GOLGB1: variants seen among roughly 807,000 people sequenced by gnomAD.
The protein encoded by GOLGB1 is golgin subfamily B member 1.
GOLGB1 carries 174 observed loss-of-function variants against 336.9 expected under a neutral mutation model. The observed-to-expected ratio is 0.52, with a 90% confidence interval of 0.46 to 0.59. The LOEUF (loss-of-function observed/expected upper bound fraction) is 0.59. GOLGB1 is among the 20% of genes least tolerant of loss of function. The pLI is 0.00. For missense variants in GOLGB1, 3,331 were observed against 3,645.3 expected, an observed-to-expected ratio of 0.91 and a Z score of 2.22; for synonymous variants, 1,208 against 1,289.2, an observed-to-expected ratio of 0.94 and a Z score of 1.35.
At position 121,670,747 on chromosome 3, in the gene GOLGB1, T is replaced by C. The variant is rs1261783437; in HGVS notation, c.9178-1392A>G. Reference sequence around the variant, plus strand: ...AAGGAAAGCTAAGAAAATCATAGGGTTTTCTTTTGGGGGGGGGGGTGTGGG... The same window carrying C: ...AAGGAAAGCTAAGAAAATCATAGGGCTTTCTTTTGGGGGGGGGGGTGTGGG... On this transcript the variant is annotated intron_variant, in intron 17 of 21. Transcript: ENST00000614479. Among the ~76,000 whole-genome samples, 3 of 127,798 alleles carry C rather than the reference T, an allele frequency of 2.3e-5. No individual in the cohort carries two copies. The East Asian group carries it at 8.7e-4, about 37-fold the overall frequency. 83.8% of individuals were successfully genotyped at this position (127,798 alleles called of 152,430 possible). A position where few individuals can be genotyped will look rare whatever the true frequency, so the allele number is the denominator to read the frequency against.
chr3:121,706,730 T>A (rs1404416670), intron 10 of GOLGB1, among the ~76,000 whole-genome samples: 4 of 25,562 alleles, frequency 1.6e-4, no homozygotes, highest in African/African-American at 6.9e-4. Flanking sequence ...TGAGACTCTG[T>A]CTCAAAAAAA....
chr3:121,720,402 G>A (rs1945103928), intron 6 of GOLGB1, among the ~76,000 whole-genome samples: 1 of 152,154 alleles, frequency 6.6e-6, no homozygotes, highest in South Asian at 2.1e-4. Flanking sequence ...GAATGAAATG[G>A]AAATAAATGG....
chr3:121,667,823 A>G (rs1938848600), intron 19 of GOLGB1, among the ~76,000 whole-genome samples: 1 of 152,246 alleles, frequency 6.6e-6, no homozygotes, highest in African/African-American at 2.4e-5. Flanking sequence ...TCATTTTACT[A>G]TCATAGAGTA....
At chr3:121,674,567 T>C (rs1255186540) in intron 17 of GOLGB1, among the ~76,000 whole-genome samples, 1 of 152,202 alleles carries the variant, frequency 6.6e-6, no homozygotes, top group Non-Finnish European at 1.5e-5. Flanking sequence ...CAACTATAAA[T>C]ATAAAACCTG....
Position 121,699,878 on chromosome 3 carries a change from C to T in GOLGB1, c.1527G>A (p.Leu509=), listed in dbSNP as rs760262907. ...CCTCTAGGAGAGTAATCTGAGAAGA[C>T]AGTTTTTCTGAAAGTCACAAAATAA... The part of the protein sequence containing the change: ...LEELKAENEK[L]SSQITLLEAQ... Residue 509 remains leucine (L), a synonymous_variant, in exon 12 of 22, where the codon CTG becomes CTA. Transcript: ENST00000614479. 3 of 1,591,856 alleles carry T rather than the reference C, an allele frequency of 1.9e-6. No individual in the cohort carries two copies. In the East Asian group the frequency reaches 6.7e-5, roughly 36 times the overall value.
chr3:121,748,026 A>G (rs1947488386), intron 1 of GOLGB1, among the ~76,000 whole-genome samples: 1 of 152,056 alleles, frequency 6.6e-6, no homozygotes, highest in African/African-American at 2.4e-5. Context: ...GGATAAAGTC[A>G]ACATCCCTTT....
At chr3:121,665,929 A>T (rs1938548532) in intron 20 of GOLGB1, among the ~76,000 whole-genome samples, 1 of 152,248 alleles carries the variant, frequency 6.6e-6, no homozygotes, top group African/African-American at 2.4e-5. Context: ...GAGCATGCAC[A>T]GCCTAGCTCC....
In GOLGB1 at chr3:121,696,778, T is replaced by C. The variant is rs765086476; in HGVS notation, c.3745A>G (p.Ile1249Val). 8 of 1,614,036 alleles carry C rather than the reference T, an allele frequency of 5.0e-6. No individual in the cohort carries two copies. Among genetic ancestry groups the C allele is most frequent in the African/African-American group, 2.7e-5 (2 of 74,936 alleles). ...TCTGTGCTTGGGAGTTTTCCGTCTA[T>C]GGATTCCCTTACTTGAATCTGGAGT... Reference protein sequence around the residue: ...RQLQIQVRESIDGKLPSTDQQ... With the variant: ...RQLQIQVRESVDGKLPSTDQQ... The change falls in exon 13 of 22, where the codon ATA becomes GTA. Residue 1249 changes from isoleucine (I) to valine (V), a missense_variant. Physicochemically the swap from Ile to Val is conservative, Grantham distance 29. Coordinates refer to ENST00000614479, the MANE Select transcript of GOLGB1 (RefSeq NM_001366282.2).
intron 1 of GOLGB1, among the ~76,000 whole-genome samples, chr3:121,745,347 C>T (rs997869510): frequency 1.5e-5 from 2 of 136,478 alleles, no homozygotes; most frequent in Admixed American, 7.4e-5. Flanking sequence ...CATATGTACA[C>T]GTGTATGTAT....
At chr3:121,699,751 A>C in intron 12 of GOLGB1, 61 bp downstream of exon 12, 1 of 963,272 alleles carries the variant, frequency 1.0e-6, no homozygotes, top group East Asian at 2.4e-5. Flanking sequence ...GTATTTTCAT[A>C]TGAAGCTACC....
At chr3:121,724,884 G>A (rs1945462404) in intron 5 of GOLGB1, among the ~76,000 whole-genome samples, 1 of 152,186 alleles carries the variant, frequency 6.6e-6, no homozygotes, top group Non-Finnish European at 1.5e-5. Flanking sequence ...CAGCCCAGCT[G>A]TTCTGGTTAG....
chr3:121,701,523 C>T (rs1943404160), intron 11 of GOLGB1, among the ~76,000 whole-genome samples: 1 of 152,118 alleles, frequency 6.6e-6, no homozygotes, highest in African/African-American at 2.4e-5. Flanking sequence ...TTCATTCTCA[C>T]TCCTAGATGA....
chr3:121,730,024 T>C lies in GOLGB1; in HGVS notation c.97-7A>G. The C allele has an allele frequency of 6.3e-7, 1 of 1,599,240 alleles. No individual in the cohort carries two copies. Among genetic ancestry groups the C allele is most frequent in the Non-Finnish European group, 8.5e-7 (1 of 1,172,632 alleles). On this transcript the variant is annotated splice_region_variant and splice_polypyrimidine_tract_variant and intron_variant, in intron 2 of 21. Coordinates refer to ENST00000614479, the MANE Select transcript of GOLGB1 (RefSeq NM_001366282.2). Reference sequence around the variant, plus strand: ...CAGATTCTTGGTGTAATTCCTAATATTTAGGAAAAAAGTTGCCAGTGCACC... The same window carrying C: ...CAGATTCTTGGTGTAATTCCTAATACTTAGGAAAAAAGTTGCCAGTGCACC...
intron 1 of GOLGB1, among the ~76,000 whole-genome samples, chr3:121,738,755 AGAG>A (rs1273513473): frequency 2.6e-5 from 4 of 152,190 alleles, no homozygotes; most frequent in Non-Finnish European, 4.4e-5. Flanking sequence ...GAATCTGCTG[AGAG>A]GAGAATTAAA....
At chr3:121,706,690 C>T (rs1359910465) in intron 10 of GOLGB1, among the ~76,000 whole-genome samples, 9 of 128,296 alleles carry the variant, frequency 7.0e-5, no homozygotes, top group African/African-American at 1.5e-4. Flanking sequence ...GTTGAGATTG[C>T]GCCACTGCAC....
rs914960997 is a variant in GOLGB1, at chr3:121,729,898, A to G, written c.216T>C (p.Asp72=). The change falls in exon 3 of 22, where the codon GAT becomes GAC. Residue 72 remains aspartate (D), a synonymous_variant. Coordinates refer to ENST00000614479, the MANE Select transcript of GOLGB1 (RefSeq NM_001366282.2). ...CTTCATCTTTCTGCTGCAGTTGAAC[A>G]TCCTTCTGTCTAATAATATCTTTTA... ...VELKDIIRQK[D]VQLQQKDEAL... is the part of the protein sequence containing the mutation. The G allele has an allele frequency of 5.6e-6, 9 of 1,612,478 alleles. No homozygotes were observed. Among genetic ancestry groups the G allele is most frequent in the Non-Finnish European group, 7.6e-6 (9 of 1,178,802 alleles).
rs775922303 is a variant in GOLGB1 at position 121,698,769 on chromosome 3, A to C, written c.1754T>G (p.Leu585Arg). The C allele has an allele frequency of 1.2e-6, 2 of 1,613,478 alleles. No homozygotes were observed. Among genetic ancestry groups the C allele is most frequent in the South Asian group, 1.1e-5 (1 of 91,016 alleles). Residue 585 changes from leucine (L) to arginine (R), a missense_variant, in exon 13 of 22, where the codon CTC becomes CGC. Transcript: ENST00000614479. ...QEEIAFLKLQLQGKRAEEADH... is the reference protein window; with the variant it reads ...QEEIAFLKLQRQGKRAEEADH... ...TGCTTCCTCAGCCCTTTTTCCCTGG[A>C]GCTGTAATTTAAGAAATGCAATTTC...
rs375281562 is a variant in GOLGB1 at position 121,669,232 on chromosome 3, G to C, written c.9301C>G (p.Gln3101Glu). Reference protein sequence around the residue: ...LLNHCAVLEKQVQELQAGPLN... With the variant: ...LLNHCAVLEKEVQELQAGPLN... The stretch of plus-strand genomic sequence containing the variant: ...CTCACCGCCTGCAGCTCTTGAACCT[G>C]CTTCTCCAAGACTGCACAGTGATTT... The change falls in exon 18 of 22, where the codon CAG (glutamine) becomes GAG (glutamate). Residue 3101 changes from glutamine to glutamate, a missense_variant. Physicochemically the swap from Gln to Glu is conservative, Grantham distance 29 (BLOSUM62 2). Coordinates refer to ENST00000614479, the MANE Select transcript of GOLGB1 (RefSeq NM_001366282.2). The C allele has an allele frequency of 1.1e-5, 17 of 1,613,710 alleles. No homozygotes were observed. In the Admixed American group the frequency reaches 2.5e-4, roughly 24 times the overall value.
At chr3:121,699,992 T>G (rs1560249807) in intron 11 of GOLGB1, 107 bp from the exon 12 acceptor site, 1 of 651,640 alleles carries the variant, frequency 1.5e-6, no homozygotes, top group African/African-American at 1.8e-5. Context: ...TTTTAAAAAA[T>G]AAACAAAATA....
Sources: allele counts gnomAD v4.1 joint callset (sites outside exome capture counted in the v4.1 genomes callset), GRCh38; gene constraint gnomAD v4.1.1; transcripts MANE v1.5; gene names NCBI Gene and HGNC (gene_info 2026-07-23, HGNC 2026-07-21).